Variants in ASB4 observed in about 807,000 individuals in gnomAD.
The protein encoded by ASB4 is ankyrin repeat and SOCS box protein 4.
A neutral mutation model predicts 38.6 loss-of-function variants in ASB4; 35 were observed. That is an observed-to-expected ratio of 0.91 (90% CI 0.69 to 1.20). ASB4 has a LOEUF of 1.20. Among genes scored for constraint, ASB4 ranks in the 50% most tolerant of loss-of-function variants. The probability of loss-of-function intolerance (pLI) is 0.00; values close to 1 mark genes in which losing one functional copy is unlikely to be tolerated. For missense variants in ASB4, 557 were observed against 527.2 expected, an observed-to-expected ratio of 1.06 and a Z score of -0.55; for synonymous variants, 195 against 201.3, an observed-to-expected ratio of 0.97 and a Z score of 0.26.
intron 3 of ASB4, among the ~76,000 whole-genome samples, chr7:95,532,297 T>C (rs1790829060): frequency 1.3e-5 from 2 of 152,164 alleles, no homozygotes; most frequent in Admixed American, 6.5e-5. Context: ...AGCCAATTTG[T>C]AGAGGGTGTA....
At chr7:95,502,904 G>GA (rs1790361190) in intron 2 of ASB4, among the ~76,000 whole-genome samples, 2 of 152,008 alleles carry the variant, frequency 1.3e-5, no homozygotes, top group Admixed American at 1.3e-4. Flanking sequence ...CTGAAAAACT[G>GA]AAAAATGCTT....
At chr7:95,548,581 A>C in the ASB4 span, among the ~76,000 whole-genome samples, 82 of 152,354 alleles carry the variant, frequency 5.4e-4, no homozygotes, top group African/African-American at 2.0e-3. Flanking sequence ...AACACCCCAC[A>C]GTTGGTAGCT....
downstream of ASB4, among the ~76,000 whole-genome samples, chr7:95,541,357 C>T (rs1790968064): frequency 6.6e-6 from 1 of 152,134 alleles, no homozygotes; most frequent in African/African-American, 2.4e-5. Flanking sequence ...TATTAATGTC[C>T]TTGCTTTTGT....
At chr7:95,540,358 G>C (rs1190686939), downstream of ASB4, 1 of 152,172 alleles carries the variant, frequency 6.6e-6, no homozygotes, top group East Asian at 1.9e-4. Flanking sequence ...AAGAGAATCA[G>C]GGATTGTGCC....
chr7:95,485,062 A>G (rs1790070141), upstream of ASB4, among the ~76,000 whole-genome samples: 1 of 150,868 alleles, frequency 6.6e-6, no homozygotes, highest in Non-Finnish European at 1.5e-5. Flanking sequence ...ATATGTATAT[A>G]TATGTATATA....
In ASB4 at chr7:95,537,900, C is replaced by A. The variant is rs1175432999; in HGVS notation, c.*141C>A. ...ACACTTTACAAACACTGCCATTAAT[C>A]CTAGAATATCATGGTATGGGGAAAT... On this transcript the variant is annotated 3_prime_UTR_variant, in exon 5 of 5. Coordinates refer to ENST00000325885, the MANE Select transcript of ASB4 (RefSeq NM_016116.3). The A allele has an allele frequency of 7.9e-6, 5 of 636,428 alleles. No individual in the cohort carries two copies. The highest frequency in any genetic ancestry group is 5.5e-5 in the East Asian group (2 of 36,484). 39.4% of individuals were successfully genotyped at this position (636,428 alleles called of 1,614,324 possible).
intron 1 of ASB4, among the ~76,000 whole-genome samples, chr7:95,488,314 C>G (rs960219556): frequency 6.6e-6 from 1 of 152,014 alleles, no homozygotes; most frequent in Non-Finnish European, 1.5e-5. Flanking sequence ...GCACTCCAGC[C>G]TGGGTGACAC....
intron 1 of ASB4, among the ~76,000 whole-genome samples, chr7:95,495,421 A>C (rs1043039018): frequency 6.6e-6 from 1 of 152,192 alleles, no homozygotes; most frequent in Non-Finnish European, 1.5e-5. Flanking sequence ...CTCAGCATGC[A>C]AAATAAAATA....
upstream of ASB4, among the ~76,000 whole-genome samples, chr7:95,482,254 C>T (rs891527155): frequency 2.6e-5 from 4 of 152,102 alleles, no homozygotes; most frequent in Non-Finnish European, 5.9e-5. Context: ...GATTATTCCA[C>T]GAAGTTTAGA....
chr7:95,546,653 C>A, the ASB4 span, among the ~76,000 whole-genome samples: 14 of 152,150 alleles, frequency 9.2e-5, no homozygotes, highest in Non-Finnish European at 2.1e-4. Context: ...ACTGTTACTT[C>A]CAATTGCTTA....
intron 1 of ASB4, among the ~76,000 whole-genome samples, chr7:95,491,496 G>A (rs1436508552): frequency 6.6e-6 from 1 of 152,204 alleles, no homozygotes; most frequent in African/African-American, 2.4e-5. Flanking sequence ...GTGAGCAGAG[G>A]GGGGCTTTTG....
chr7:95,484,567 G>A (rs1322047988), upstream of ASB4, among the ~76,000 whole-genome samples: 3 of 152,070 alleles, frequency 2.0e-5, no homozygotes, highest in Non-Finnish European at 4.4e-5. Context: ...AATAAAATAA[G>A]TTTAAAATTA....
chr7:95,546,746 A>G, the ASB4 span, among the ~76,000 whole-genome samples: 1 of 152,178 alleles, frequency 6.6e-6, no homozygotes, highest in Non-Finnish European at 1.5e-5. Flanking sequence ...CTCGAATTGT[A>G]TAAATAAAAA....
At chr7:95,550,047 A>T in the ASB4 span, among the ~76,000 whole-genome samples, 1 of 152,188 alleles carries the variant, frequency 6.6e-6, no homozygotes, top group Non-Finnish European at 1.5e-5. Flanking sequence ...CCATAATAGG[A>T]GGTTAGCTGA....
chr7:95,503,995 C>T (rs1356707848), intron 2 of ASB4, among the ~76,000 whole-genome samples: 1 of 152,008 alleles, frequency 6.6e-6, no homozygotes, highest in Non-Finnish European at 1.5e-5. Flanking sequence ...GCCTTTGTTG[C>T]CTTTGGTATT....
At position 95,536,418 on chromosome 7, in the gene ASB4, C is replaced by T. The variant is rs1790889859; in HGVS notation, c.979-19C>T. ...ATATATGTGCATCAAACAGATGAAA[C>T]TCTGTGCTTCCTCTGCAGGTGATAC... On this transcript the variant is annotated intron_variant, in intron 3 of 4. Transcript: ENST00000325885. The T allele has an allele frequency of 6.7e-7, 1 of 1,499,716 alleles. No individual in the cohort carries two copies. The highest frequency in any genetic ancestry group is 2.3e-5 in the East Asian group (1 of 44,254). 92.9% of individuals were successfully genotyped at this position (1,499,716 alleles called of 1,614,324 possible). A position where few individuals can be genotyped will look rare whatever the true frequency, so the allele number is the denominator to read the frequency against.
chr7:95,506,578 T>C (rs1434180332), intron 2 of ASB4, among the ~76,000 whole-genome samples: 1 of 152,212 alleles, frequency 6.6e-6, no homozygotes, highest in Non-Finnish European at 1.5e-5. Flanking sequence ...GTGAAGGCAT[T>C]GCCCCATTGC....
In ASB4 at chr7:95,527,908, G is replaced by A; in HGVS notation, c.583G>A (p.Val195Met). 1.9e-6 allele frequency: 3 copies of A among 1,614,112 alleles called. No homozygotes were observed. The highest frequency in any genetic ancestry group is 2.2e-5 in the East Asian group (1 of 44,864). ...FGLSELVAFY[V>M]EHGAIVDSVN... ...CCTTTCGGAGCTGGTGGCCTTCTAC[G>A]TGGAACACGGGGCCATAGTGGACAG... The change falls in exon 3 of 5, where the codon GTG becomes ATG. Residue 195 changes from valine (V) to methionine (M), a missense_variant. Physicochemically the swap from Val to Met is conservative, Grantham distance 21 (BLOSUM62 1). Coordinates refer to ENST00000325885, the MANE Select transcript of ASB4 (RefSeq NM_016116.3).
Position 95,485,962 on chromosome 7 carries a change from G to T in ASB4, c.-10G>T, listed in dbSNP as rs542734147. On this transcript the variant is annotated 5_prime_UTR_variant, in exon 1 of 5. Coordinates refer to ENST00000325885, the MANE Select transcript of ASB4 (RefSeq NM_016116.3). ...TAAATCACAACAAAGCTTCCAGAGG[G>T]AGAGGAAGGATGGACGGCACCACTG... is the stretch of plus-strand genomic sequence containing the variant. 9.3e-6 allele frequency: 15 copies of T among 1,612,114 alleles called. No homozygotes were observed. The highest frequency in any genetic ancestry group is 2.7e-5 in the African/African-American group (2 of 74,812).
Sources: allele counts gnomAD v4.1 joint callset (sites outside exome capture counted in the v4.1 genomes callset), GRCh38; gene constraint gnomAD v4.1.1; transcripts MANE v1.5; gene names NCBI Gene and HGNC (gene_info 2026-07-23, HGNC 2026-07-21).